The following TIGD3 variants were observed in gnomAD, a reference collection of about 807,000 sequenced individuals.
TIGD3 encodes tigger transposable element derived 3, also known as tigger transposable element-derived protein 3.
In TIGD3, 7 loss-of-function variants were observed where a neutral mutation model predicts 14.8. The ratio of observed to expected loss-of-function variants is 0.47; its 90% CI spans 0.27 to 0.89. The LOEUF (loss-of-function observed/expected upper bound fraction) is 0.89. Among genes scored for constraint, TIGD3 ranks in the 40% least tolerant of loss-of-function variants. The probability of loss-of-function intolerance (pLI) is 0.13; values close to 1 mark genes in which losing one functional copy is unlikely to be tolerated. For synonymous variants in TIGD3, 243 were observed against 269.4 expected (o/e 0.90, Z 0.96); for missense variants, 581 against 611.0 (o/e 0.95, Z 0.52).
In TIGD3 at chr11:65,357,517, T is replaced by A. The variant is rs868364477; in HGVS notation, c.*293T>A. On this transcript the variant is annotated 3_prime_UTR_variant, in exon 2 of 2. Coordinates refer to ENST00000309880, the MANE Select transcript of TIGD3 (RefSeq NM_145719.3). ...GGGAGTTAGTCTAGAGGCAGCCACT[T>A]AGAAAGGTGGAATTTGGGCTTTTTG... 3.2e-6 allele frequency: 1 copy of A among 315,478 alleles called. No individual in the cohort carries two copies. The highest frequency in any genetic ancestry group is 1.0e-3 in the Middle Eastern group (1 of 960). 19.5% of individuals were successfully genotyped at this position (315,478 alleles called of 1,614,324 possible). A position where few individuals can be genotyped will look rare whatever the true frequency, so the allele number is the denominator to read the frequency against.
In TIGD3 at chr11:65,355,695, CG is replaced by C; in HGVS notation, c.-16-97del. 5 of 1,043,578 alleles carry C rather than the reference CG, an allele frequency of 4.8e-6. No homozygotes were observed. In the South Asian group the frequency reaches 4.9e-5, roughly 10 times the overall value. 64.6% of individuals were successfully genotyped at this position (1,043,578 alleles called of 1,614,324 possible). On this transcript the variant is annotated intron_variant, in intron 1 of 1. Transcript: ENST00000309880. ...CGGGTCCAGTCTCACCCGGTGCCTG[CG>C]CAAGTCCTCATCTAATCTCTTTTCC...
chr11:65,356,097 G>A lies in TIGD3; in HGVS notation c.289G>A (p.Val97Met). The change falls in exon 2 of 2, where the codon GTG (valine) becomes ATG (methionine). Residue 97 changes from valine to methionine, a missense_variant. Physicochemically the swap from Val to Met is conservative, Grantham distance 21 (BLOSUM62 1). Coordinates refer to ENST00000309880, the MANE Select transcript of TIGD3 (RefSeq NM_145719.3). The surrounding 1 kb of genome is among the most constrained non-coding windows in gnomAD (Gnocchi z 5.2). ...CATTGCCCGGGCCAAGGCCTGGGAC[G>A]TGACGGGGCCCATGCTGCTCCACAA... ...YHIARAKAWD[V>M]TGPMLLHKAK... 6.2e-7 allele frequency: 1 copy of A among 1,611,472 alleles called. No individual in the cohort carries two copies. The highest frequency in any genetic ancestry group is 1.3e-5 in the African/African-American group (1 of 75,072).
At chr11:65,355,432 C>T (rs1453691778) in intron 1 of TIGD3, among the ~76,000 whole-genome samples, 4 of 148,432 alleles carry the variant, frequency 2.7e-5, no homozygotes, top group Non-Finnish European at 4.5e-5. Context: ...CCCCCGCAGC[C>T]CCGTAGCCCC....
chr11:65,357,523 G>A lies in TIGD3; in HGVS notation c.*299G>A. The stretch of plus-strand genomic sequence containing the variant: ...TAGTCTAGAGGCAGCCACTTAGAAA[G>A]GTGGAATTTGGGCTTTTTGGACAGA... On this transcript the variant is annotated 3_prime_UTR_variant, in exon 2 of 2. Transcript: ENST00000309880. 6.7e-6 allele frequency: 2 copies of A among 299,852 alleles called. No homozygotes were observed. The highest frequency in any genetic ancestry group is 1.3e-5 in the Non-Finnish European group (2 of 151,550). The allele number at this position is 299,852 out of a possible 1,614,324, so 18.6% of individuals were successfully genotyped here. A position where few individuals can be genotyped will look rare whatever the true frequency, so the allele number is the denominator to read the frequency against.
In TIGD3 at chr11:65,355,860, A is replaced by G. The variant is rs1490974408; in HGVS notation, c.52A>G (p.Ile18Val). The change falls in exon 2 of 2, where the codon ATC (isoleucine) becomes GTC (valine). Residue 18 changes from isoleucine (I) to valine (V), a missense_variant. By Grantham distance (29) the Ile-to-Val change is conservative. Coordinates refer to ENST00000309880, the MANE Select transcript of TIGD3 (RefSeq NM_145719.3). ...KLHALSLAEKIQVLELLDESK... is the reference protein window; with the variant it reads ...KLHALSLAEKVQVLELLDESK... Reference sequence around the variant, plus strand: ...TCACGCCCTGTCCCTGGCCGAGAAGATCCAGGTGCTGGAACTCCTGGATGA... The same window carrying G: ...TCACGCCCTGTCCCTGGCCGAGAAGGTCCAGGTGCTGGAACTCCTGGATGA... 2 of 1,613,846 alleles carry G rather than the reference A, an allele frequency of 1.2e-6. No homozygotes were observed. Among genetic ancestry groups the G allele is most frequent in the Non-Finnish European group, 1.7e-6 (2 of 1,180,012 alleles).
Position 65,356,562 on chromosome 11 carries a change from C to T in TIGD3, c.754C>T (p.Arg252Trp), listed in dbSNP as rs907082202. The T allele has an allele frequency of 3.1e-6, 5 of 1,607,756 alleles. No homozygotes were observed. Among genetic ancestry groups the T allele is most frequent in the Non-Finnish European group, 3.4e-6 (4 of 1,179,952 alleles). The stretch of plus-strand genomic sequence containing the variant: ...GTTAGAGTGGTTGGCACAGTTTGAC[C>T]GGGACATGGGACAGCAGGGCCGACA... ...PWLEWLAQFD[R>W]DMGQQGRQVA... The change falls in exon 2 of 2, where the codon CGG (arginine) becomes TGG (tryptophan). Residue 252 changes from arginine to tryptophan, a missense_variant. Physicochemically the swap from Arg to Trp is moderately radical, Grantham distance 101. Coordinates refer to ENST00000309880, the MANE Select transcript of TIGD3 (RefSeq NM_145719.3). The surrounding 1 kb of genome is among the most constrained non-coding windows in gnomAD (Gnocchi z 5.2).
In TIGD3 at chr11:65,356,013, A is replaced by G. The variant is rs754003029; in HGVS notation, c.205A>G (p.Lys69Glu). 3.1e-6 allele frequency: 5 copies of G among 1,613,684 alleles called. No individual in the cohort carries two copies. Among genetic ancestry groups the G allele is most frequent in the East Asian group, 4.5e-5 (2 of 44,884 alleles). The stretch of plus-strand genomic sequence containing the variant: ...CAGCGGCACAGCCAACCGAGAGCGC[A>G]AGCGCAAGCGGGAGTCCAAGTACAG... ...WCSGTANRERKRKRESKYSGI... is the reference protein window; with the variant it reads ...WCSGTANRERERKRESKYSGI... Residue 69 changes from lysine (K) to glutamate (E), a missense_variant, in exon 2 of 2, where the codon AAG (lysine) becomes GAG (glutamate). Physicochemically the swap from Lys to Glu is moderately conservative, Grantham distance 56. Transcript: ENST00000309880. The surrounding 1 kb of genome is among the most constrained non-coding windows in gnomAD (Gnocchi z 5.2).
Position 65,356,647 on chromosome 11 carries a change from A to G in TIGD3, c.839A>G (p.Tyr280Cys), listed in dbSNP as rs780049656. 6.2e-7 allele frequency: 1 copy of G among 1,612,884 alleles called. No individual in the cohort carries two copies. Among genetic ancestry groups the G allele is most frequent in the South Asian group, 1.1e-5 (1 of 91,082 alleles). Reference sequence around the variant, plus strand: ...GAGCTGGCAGGCCTGCCTGGGCTCTACCACGTGAAGCTCTTGCCTCTGGCC... The same window carrying G: ...GAGCTGGCAGGCCTGCCTGGGCTCTGCCACGTGAAGCTCTTGCCTCTGGCC... ...VEELAGLPGL[Y>C]HVKLLPLAAS... The change falls in exon 2 of 2, where the codon TAC becomes TGC. Residue 280 changes from tyrosine to cysteine, a missense_variant. Transcript: ENST00000309880. The surrounding 1 kb of genome is among the most constrained non-coding windows in gnomAD (Gnocchi z 5.2).
In TIGD3 at chr11:65,356,941, C is replaced by T; in HGVS notation, c.1133C>T (p.Ser378Phe). The T allele has an allele frequency of 6.2e-7, 1 of 1,614,166 alleles. No individual in the cohort carries two copies. Among genetic ancestry groups the T allele is most frequent in the African/African-American group, 1.3e-5 (1 of 75,072 alleles). ...GKTPPSSHKT[S>F]EMPPVPGGLS... Reference sequence around the variant, plus strand: ...ACGCCCCCGTCCTCGCACAAAACCTCTGAGATGCCACCAGTCCCCGGCGGG... The same window carrying T: ...ACGCCCCCGTCCTCGCACAAAACCTTTGAGATGCCACCAGTCCCCGGCGGG... The change falls in exon 2 of 2, where the codon TCT (serine) becomes TTT (phenylalanine). Residue 378 changes from serine (S) to phenylalanine (F), a missense_variant. By Grantham distance (155) the Ser-to-Phe change is radical. Coordinates refer to ENST00000309880, the MANE Select transcript of TIGD3 (RefSeq NM_145719.3). This position sits in a 1 kb window ranked among gnomAD's most constrained non-coding sequence, Gnocchi z 5.2.
At position 65,355,828 on chromosome 11, in the gene TIGD3, A is replaced by C; in HGVS notation, c.20A>C (p.Lys7Thr). 6.2e-7 allele frequency: 1 copy of C among 1,612,652 alleles called. No homozygotes were observed. The highest frequency in any genetic ancestry group is 8.5e-7 in the Non-Finnish European group (1 of 1,179,324). The change falls in exon 2 of 2, where the codon AAG becomes ACG. Residue 7 changes from lysine to threonine, a missense_variant. Coordinates refer to ENST00000309880, the MANE Select transcript of TIGD3 (RefSeq NM_145719.3). Reference sequence around the variant, plus strand: ...GAGGCCATGGAGCTGAGCAGCAAGAAGAAGCTTCACGCCCTGTCCCTGGCC... The same window carrying C: ...GAGGCCATGGAGCTGAGCAGCAAGACGAAGCTTCACGCCCTGTCCCTGGCC... MELSSK[K>T]KLHALSLAEK...
At chr11:65,355,766 C>T in intron 1 of TIGD3, 27 bp from the exon 2 acceptor site, 1 of 1,557,214 alleles carries the variant, frequency 6.4e-7, no homozygotes, top group Non-Finnish European at 8.7e-7. Context: ...GATTACTCTA[C>T]CCGCTCAATC....
Position 65,356,216 on chromosome 11 carries a change from G to A in TIGD3, c.408G>A (p.Gly136=). The change falls in exon 2 of 2, where the codon GGG becomes GGA. Residue 136 remains glycine, a synonymous_variant. Transcript: ENST00000309880. The surrounding 1 kb of genome is among the most constrained non-coding windows in gnomAD (Gnocchi z 5.2). ...RWKRRNNVGF[G]ARHVLAPSFP... ...AACGCCGAAACAACGTCGGCTTTGGGGCCCGCCATGTTCTTGCGCCTTCAT... is the reference window on the plus strand; with the variant it reads ...AACGCCGAAACAACGTCGGCTTTGGAGCCCGCCATGTTCTTGCGCCTTCAT... 6.2e-7 allele frequency: 1 copy of A among 1,612,564 alleles called. No individual in the cohort carries two copies. Among genetic ancestry groups the A allele is most frequent in the African/African-American group, 1.3e-5 (1 of 75,066 alleles).
At position 65,356,831 on chromosome 11, in the gene TIGD3, G is replaced by A; in HGVS notation, c.1023G>A (p.Leu341=). The part of the protein sequence containing the change: ...AGAGITVLDA[L]HVASAAWAKV... ...CAGGCATCACCGTGCTGGACGCCCT[G>A]CACGTGGCGTCTGCCGCCTGGGCCA... is the stretch of plus-strand genomic sequence containing the variant. Residue 341 remains leucine (L), a synonymous_variant, in exon 2 of 2, where the codon CTG becomes CTA. Coordinates refer to ENST00000309880, the MANE Select transcript of TIGD3 (RefSeq NM_145719.3). The surrounding 1 kb of genome is among the most constrained non-coding windows in gnomAD (Gnocchi z 5.2). 1 of 1,613,214 alleles carries A rather than the reference G, an allele frequency of 6.2e-7. No individual in the cohort carries two copies. Among genetic ancestry groups the A allele is most frequent in the Non-Finnish European group, 8.5e-7 (1 of 1,179,974 alleles).
In TIGD3 at chr11:65,357,045, G is replaced by C; in HGVS notation, c.1237G>C (p.Gly413Arg). The C allele has an allele frequency of 1.2e-6, 2 of 1,613,766 alleles. No homozygotes were observed. The highest frequency in any genetic ancestry group is 1.7e-6 in the Non-Finnish European group (2 of 1,179,704). The part of the protein sequence containing the change: ...PRSGVCKEEI[G>R]TEDEKGDREG... ...GTCTGGAGTATGTAAGGAGGAGATA[G>C]GCACTGAAGACGAGAAGGGGGACAG... Residue 413 changes from glycine (G) to arginine (R), a missense_variant, in exon 2 of 2, where the codon GGC (glycine) becomes CGC (arginine). Physicochemically the swap from Gly to Arg is moderately radical, Grantham distance 125. Coordinates refer to ENST00000309880, the MANE Select transcript of TIGD3 (RefSeq NM_145719.3).
At position 65,356,080 on chromosome 11, in the gene TIGD3, G is replaced by A. The variant is rs375688014; in HGVS notation, c.272G>A (p.Arg91Gln). 2 of 1,611,832 alleles carry A rather than the reference G, an allele frequency of 1.2e-6. No homozygotes were observed. Among genetic ancestry groups the A allele is most frequent in the Non-Finnish European group, 1.7e-6 (2 of 1,180,022 alleles). Reference protein sequence around the residue: ...EALLCWYHIARAKAWDVTGPM... With the variant: ...EALLCWYHIAQAKAWDVTGPM... The stretch of plus-strand genomic sequence containing the variant: ...CTGCTCTGCTGGTACCACATTGCCC[G>A]GGCCAAGGCCTGGGACGTGACGGGG... Residue 91 changes from arginine (R) to glutamine (Q), a missense_variant, in exon 2 of 2, where the codon CGG becomes CAG. Arg to Gln is a conservative substitution (Grantham distance 43). Coordinates refer to ENST00000309880, the MANE Select transcript of TIGD3 (RefSeq NM_145719.3). This position sits in a 1 kb window ranked among gnomAD's most constrained non-coding sequence, Gnocchi z 5.2.
rs953546609 is a variant in TIGD3 at position 65,356,242 on chromosome 11, T to C, written c.434T>C (p.Phe145Ser). 1.9e-6 allele frequency: 3 copies of C among 1,612,706 alleles called. No individual in the cohort carries two copies. The highest frequency in any genetic ancestry group is 4.5e-5 in the East Asian group (2 of 44,878). Residue 145 changes from phenylalanine to serine, a missense_variant, in exon 2 of 2, where the codon TTC becomes TCC. By Grantham distance (155) the Phe-to-Ser change is radical. Transcript: ENST00000309880. This position sits in a 1 kb window ranked among gnomAD's most constrained non-coding sequence, Gnocchi z 5.2. ...GCCCGCCATGTTCTTGCGCCTTCAT[T>C]CCCCCCTGAGCCACCTCCCCCGGGG... ...FGARHVLAPS[F>S]PPEPPPPGLT...
chr11:65,357,282 T>A lies in TIGD3; in HGVS notation c.*58T>A. On this transcript the variant is annotated 3_prime_UTR_variant, in exon 2 of 2. Coordinates refer to ENST00000309880, the MANE Select transcript of TIGD3 (RefSeq NM_145719.3). ...TCTCTTGTTTCCCATGGAAACGGCC[T>A]CTTCAGAAGGCAGATCGGGCTGTCT... The A allele has an allele frequency of 6.7e-7, 1 of 1,500,400 alleles. No homozygotes were observed. The highest frequency in any genetic ancestry group is 9.2e-7 in the Non-Finnish European group (1 of 1,090,080). The allele number at this position is 1,500,400 out of a possible 1,614,324, so 92.9% of individuals were successfully genotyped here. A position where few individuals can be genotyped will look rare whatever the true frequency, so the allele number is the denominator to read the frequency against.
At position 65,355,817 on chromosome 11, in the gene TIGD3, G is replaced by A. The variant is rs757258638; in HGVS notation, c.9G>A (p.Leu3=). The A allele has an allele frequency of 6.2e-7, 1 of 1,611,840 alleles. No individual in the cohort carries two copies. The highest frequency in any genetic ancestry group is 8.5e-7 in the Non-Finnish European group (1 of 1,178,826). The part of the protein sequence containing the change: ME[L]SSKKKLHALS... Reference sequence around the variant, plus strand: ...GGTGCCCCGGAGAGGCCATGGAGCTGAGCAGCAAGAAGAAGCTTCACGCCC... The same window carrying A: ...GGTGCCCCGGAGAGGCCATGGAGCTAAGCAGCAAGAAGAAGCTTCACGCCC... The change falls in exon 2 of 2, where the codon CTG becomes CTA. Residue 3 remains leucine, a synonymous_variant. Coordinates refer to ENST00000309880, the MANE Select transcript of TIGD3 (RefSeq NM_145719.3).
Position 65,355,856 on chromosome 11 carries a change from G to A in TIGD3, c.48G>A (p.Glu16=). The A allele has an allele frequency of 6.2e-7, 1 of 1,613,830 alleles. No individual in the cohort carries two copies. Among genetic ancestry groups the A allele is most frequent in the Non-Finnish European group, 8.5e-7 (1 of 1,180,002 alleles). The change falls in exon 2 of 2, where the codon GAG becomes GAA. Residue 16 remains glutamate, a synonymous_variant. Transcript: ENST00000309880. ...KKKLHALSLA[E]KIQVLELLDE... is the part of the protein sequence containing the mutation. ...AGCTTCACGCCCTGTCCCTGGCCGA[G>A]AAGATCCAGGTGCTGGAACTCCTGG...
Sources: allele counts gnomAD v4.1 joint callset (sites outside exome capture counted in the v4.1 genomes callset), GRCh38; gene constraint gnomAD v4.1.1; non-coding constraint Gnocchi (gnomAD v3.1); transcripts MANE v1.5; gene names NCBI Gene and HGNC (gene_info 2026-07-23, HGNC 2026-07-21).